Variants in FGD4 observed in about 807,000 individuals in gnomAD.
The protein encoded by FGD4 is FYVE, RhoGEF and PH domain containing 4.
Under a neutral mutation model 102.0 loss-of-function variants are expected in FGD4, and 42 were observed. The ratio of observed to expected loss-of-function variants is 0.41; its 90% CI spans 0.32 to 0.53. The LOEUF (loss-of-function observed/expected upper bound fraction) is 0.53. Ranked by LOEUF, FGD4 falls within the 20% of genes least tolerant of loss-of-function variation. FGD4 has a pLI of 0.21. For synonymous variants in FGD4, 380 were observed against 375.7 expected (o/e 1.01, Z -0.13); for missense variants, 902 against 1,078.2 (o/e 0.84, Z 2.29).
At chr12:32,524,395 C>CA (rs959203100) in intron 1 of FGD4, among the ~76,000 whole-genome samples, 17,896 of 69,020 alleles carry the variant, frequency 0.26, 2,480 homozygotes, top group Middle Eastern at 0.35. Flanking sequence ...GACTCTGTCT[C>CA]AAAAAAAAAA....
chr12:32,524,562 C>T (rs1940939110), intron 1 of FGD4, among the ~76,000 whole-genome samples: 3 of 150,598 alleles, frequency 2.0e-5, no homozygotes, highest in Admixed American at 1.3e-4. Context: ...GGCAGGCTCA[C>T]GCCTGCAATC....
chr12:32,453,182 ATATATTT>A (rs1177784643), intron 1 of FGD4, among the ~76,000 whole-genome samples: 3 of 99,672 alleles, frequency 3.0e-5, no homozygotes, highest in African/African-American at 6.2e-5. Context: ...TATATTATAT[ATATATTT>A]TATATATATA....
At chr12:32,522,502 CCTT>C (rs1421632845) in intron 1 of FGD4, among the ~76,000 whole-genome samples, 1 of 152,164 alleles carries the variant, frequency 6.6e-6, no homozygotes, top group Non-Finnish European at 1.5e-5. Context: ...TGAAAGCCTT[CCTT>C]CTTCTCTCTC....
chr12:32,443,169 T>A (rs1942500074), intron 1 of FGD4, among the ~76,000 whole-genome samples: 1 of 152,152 alleles, frequency 6.6e-6, no homozygotes, highest in Non-Finnish European at 1.5e-5. Context: ...CTTTTTAGTT[T>A]GATATAAGTC....
intron 1 of FGD4, among the ~76,000 whole-genome samples, chr12:32,437,058 G>C (rs919887819): frequency 6.7e-6 from 1 of 148,616 alleles, no homozygotes; most frequent in Non-Finnish European, 1.5e-5. Context: ...GCAGTGAGCC[G>C]AGATTGCACC....
At chr12:32,633,480 T>C in intron 14 of FGD4, 69 bp from the exon 15 acceptor site, 1 of 1,491,726 alleles carries the variant, frequency 6.7e-7, no homozygotes, top group African/African-American at 1.4e-5. Flanking sequence ...TATTATTACC[T>C]ATAACTGATT....
In FGD4 at chr12:32,636,486, T is replaced by C. The variant is rs561075234; in HGVS notation, c.2314-2169T>C. On this transcript the variant is annotated intron_variant, in intron 15 of 16. Transcript: ENST00000534526. ...CGGCGGAGGTGTCAGTGAGCCAAGATTGAACCATTGCACTCCAGCCTGGGC... is the reference window on the plus strand; with the variant it reads ...CGGCGGAGGTGTCAGTGAGCCAAGACTGAACCATTGCACTCCAGCCTGGGC... Among the ~76,000 whole-genome samples, 327 of 151,866 alleles carry C rather than the reference T, an allele frequency of 2.2e-3. 3 individuals are homozygous for C. Among genetic ancestry groups the C allele is most frequent in the Non-Finnish European group, 6.6e-4 (45 of 67,976 alleles).
chr12:32,640,042 G>A (rs931577707), intron 16 of FGD4, among the ~76,000 whole-genome samples: 3 of 152,062 alleles, frequency 2.0e-5, no homozygotes, highest in African/African-American at 7.2e-5. Flanking sequence ...AGGGTGTAGT[G>A]TCTCTGAGTC....
At chr12:32,584,834 T>C (rs545026995) in intron 4 of FGD4, among the ~76,000 whole-genome samples, 1 of 152,280 alleles carries the variant, frequency 6.6e-6, no homozygotes, top group African/African-American at 2.4e-5. Context: ...TTCAGAATAG[T>C]CTTAAATGTG....
At position 32,399,958 on chromosome 12, in the gene FGD4, A is replaced by G. The variant is rs1027889939; in HGVS notation, c.165A>G (p.Thr55=). The part of the protein sequence containing the change: ...AFKGQVPSGA[T]GSSTCPKIAL... ...AGGGCCAGGTGCCCTCAGGAGCCAC[A>G]GGTAAGCGCCTCGGGGCGCGGGGGA... The change falls in exon 1 of 17, where the codon ACA becomes ACG. Residue 55 remains threonine, a splice_region_variant and synonymous_variant. Coordinates refer to ENST00000534526, the MANE Select transcript of FGD4 (RefSeq NM_001370298.3). The G allele has an allele frequency of 2.5e-4, 363 of 1,467,814 alleles. No homozygotes were observed. Among genetic ancestry groups the G allele is most frequent in the Non-Finnish European group, 3.0e-4 (333 of 1,115,648 alleles). 90.9% of individuals were successfully genotyped at this position (1,467,814 alleles called of 1,614,324 possible).
intron 2 of FGD4, among the ~76,000 whole-genome samples, chr12:32,569,202 G>T (rs1394167847): frequency 6.6e-6 from 1 of 152,146 alleles, no homozygotes; most frequent in Non-Finnish European, 1.5e-5. Flanking sequence ...TCTCTTGCCT[G>T]AATTTCTATA....
chr12:32,515,407 G>A (rs57651969), intron 1 of FGD4, among the ~76,000 whole-genome samples: 4,187 of 152,306 alleles, frequency 0.027, 189 homozygotes, highest in African/African-American at 0.094. Flanking sequence ...AAGCCCAGCA[G>A]ATAGAATGTG....
intron 1 of FGD4, among the ~76,000 whole-genome samples, chr12:32,507,256 A>C (rs1404043141): frequency 6.6e-6 from 1 of 152,116 alleles, no homozygotes; most frequent in Non-Finnish European, 1.5e-5. Context: ...AAAGGACATG[A>C]ACTTGTCATT....
intron 1 of FGD4, among the ~76,000 whole-genome samples, chr12:32,497,753 A>G (rs908344750): frequency 4.6e-5 from 7 of 152,174 alleles, no homozygotes; most frequent in Non-Finnish European, 8.8e-5. Flanking sequence ...GTGCAGGTAC[A>G]ATTGCCATTT....
intron 1 of FGD4, among the ~76,000 whole-genome samples, chr12:32,562,030 TGTTA>T (rs1268267886): frequency 6.6e-6 from 1 of 152,162 alleles, no homozygotes; most frequent in Non-Finnish European, 1.5e-5. Flanking sequence ...TGTGTGTATT[TGTTA>T]GTTTCAAATC....
chr12:32,463,028 T>C (rs1943149572), intron 1 of FGD4, among the ~76,000 whole-genome samples: 1 of 152,234 alleles, frequency 6.6e-6, no homozygotes, highest in Non-Finnish European at 1.5e-5. Flanking sequence ...GAGAATACAC[T>C]TGATACAACT....
At chr12:32,439,973 T>C (rs12425288) in intron 1 of FGD4, among the ~76,000 whole-genome samples, 4,227 of 152,306 alleles carry the variant, frequency 0.028, 114 homozygotes, top group Admixed American at 0.082. Flanking sequence ...ATTTTTTAGC[T>C]CCAGAACTTC....
intron 1 of FGD4, among the ~76,000 whole-genome samples, chr12:32,520,440 G>GT (rs1167066001): frequency 0.013 from 1,729 of 134,042 alleles, 41 homozygotes; most frequent in African/African-American, 0.043. Context: ...TTTGTTTTTT[G>GT]TTTTTTTTTT....
chr12:32,430,787 C>T (rs931156453), intron 1 of FGD4, among the ~76,000 whole-genome samples: 13 of 152,242 alleles, frequency 8.5e-5, no homozygotes, highest in Admixed American at 7.8e-4. Flanking sequence ...GAGATACTGT[C>T]CAAAGTAGAA....
Sources: allele counts gnomAD v4.1 joint callset (sites outside exome capture counted in the v4.1 genomes callset), GRCh38; gene constraint gnomAD v4.1.1; transcripts MANE v1.5; gene names NCBI Gene and HGNC (gene_info 2026-07-23, HGNC 2026-07-21).